Variants in ZCCHC7 observed in about 807,000 individuals in gnomAD.
The protein encoded by ZCCHC7 is zinc finger CCHC domain-containing protein 7.
A neutral mutation model predicts 52.0 loss-of-function variants in ZCCHC7; 35 were observed. That is an observed-to-expected ratio of 0.67 (90% CI 0.51 to 0.89). ZCCHC7 has a LOEUF of 0.89. Among genes scored for constraint, ZCCHC7 ranks in the 40% least tolerant of loss-of-function variants. The pLI, the probability that ZCCHC7 is intolerant of heterozygous loss-of-function variation, is 0.00. For missense variants in ZCCHC7, 574 were observed against 649.1 expected, an observed-to-expected ratio of 0.88 and a Z score of 1.26; for synonymous variants, 217 against 221.5, an observed-to-expected ratio of 0.98 and a Z score of 0.18.
intron 2 of ZCCHC7, among the ~76,000 whole-genome samples, chr9:37,168,281 A>G (rs1257669505): frequency 1.3e-5 from 2 of 151,696 alleles, no homozygotes; most frequent in Non-Finnish European, 2.9e-5. Flanking sequence ...TTTTTTGTTT[A>G]TTTTTTGATG....
At chr9:37,299,363 CAG>C (rs2133682154) in intron 2 of ZCCHC7, among the ~76,000 whole-genome samples, 1 of 152,232 alleles carries the variant, frequency 6.6e-6, no homozygotes, top group Non-Finnish European at 1.5e-5. Context: ...AAATTAGAAT[CAG>C]AAATTCAGTA....
chr9:37,269,073 G>A (rs1827258995), intron 2 of ZCCHC7, among the ~76,000 whole-genome samples: 1 of 152,204 alleles, frequency 6.6e-6, no homozygotes, highest in Admixed American at 6.5e-5. Flanking sequence ...AATAACATGT[G>A]CACCCTATCT....
At chr9:37,157,537 C>T (rs1441419852) in intron 2 of ZCCHC7, among the ~76,000 whole-genome samples, 1 of 152,004 alleles carries the variant, frequency 6.6e-6, no homozygotes, top group African/African-American at 2.4e-5. Flanking sequence ...TATTTATAAC[C>T]CACGTATCTG....
intron 2 of ZCCHC7, among the ~76,000 whole-genome samples, chr9:37,294,135 A>C (rs1414707659): frequency 6.6e-6 from 1 of 152,214 alleles, no homozygotes; most frequent in Non-Finnish European, 1.5e-5. Context: ...TATAAATTTG[A>C]GAAAACCAAG....
intron 2 of ZCCHC7, among the ~76,000 whole-genome samples, chr9:37,242,799 C>A (rs1825929141): frequency 6.6e-6 from 1 of 151,732 alleles, no homozygotes; most frequent in Non-Finnish European, 1.5e-5. Flanking sequence ...TTAAGAATTG[C>A]TTTTAAATTA....
intron 2 of ZCCHC7, among the ~76,000 whole-genome samples, chr9:37,223,289 A>C (rs1447708865): frequency 6.6e-6 from 1 of 152,238 alleles, no homozygotes; most frequent in Non-Finnish European, 1.5e-5. Context: ...GTATCTACAT[A>C]CAACTGAATG....
chr9:37,223,761 T>C (rs1824948764), intron 2 of ZCCHC7, among the ~76,000 whole-genome samples: 3 of 152,110 alleles, frequency 2.0e-5, no homozygotes, highest in Non-Finnish European at 1.5e-5. Flanking sequence ...TACTACAGAG[T>C]TGGAAACAAC....
intron 2 of ZCCHC7, among the ~76,000 whole-genome samples, chr9:37,280,066 G>A (rs560910997): frequency 6.6e-6 from 1 of 152,160 alleles, no homozygotes; most frequent in African/African-American, 2.4e-5. Context: ...GCGCGAACCC[G>A]GGAGGCGGAG....
At chr9:37,120,325 T>C (rs1457438282), upstream of ZCCHC7, among the ~76,000 whole-genome samples, 1 of 152,162 alleles carries the variant, frequency 6.6e-6, no homozygotes, top group African/African-American at 2.4e-5. Flanking sequence ...ATTCAAATAA[T>C]AGATGCAGCC....
At position 37,165,993 on chromosome 9, in the gene ZCCHC7, G is replaced by A. The variant is rs72737748; in HGVS notation, c.610+39051G>A. 6.6e-3 allele frequency among the ~76,000 whole-genome samples: 1,002 copies of A among 152,332 alleles called. 9 individuals carry two copies. The highest frequency in any genetic ancestry group is 0.011 in the Non-Finnish European group (744 of 68,030). On this transcript the variant is annotated intron_variant, in intron 2 of 8. Coordinates refer to ENST00000336755, the MANE Select transcript of ZCCHC7 (RefSeq NM_032226.3). ...ATAGACATAGCTAATCAGGCTATCA[G>A]TTTCTTCAGAAAGCTTCACTGGTTC...
At chr9:37,310,616 T>C (rs1199830483) in intron 5 of ZCCHC7, among the ~76,000 whole-genome samples, 1 of 152,186 alleles carries the variant, frequency 6.6e-6, no homozygotes, top group Non-Finnish European at 1.5e-5. Context: ...CTATACTTTA[T>C]GACTATGTGG....
At chr9:37,239,461 T>C (rs1825789410) in intron 2 of ZCCHC7, among the ~76,000 whole-genome samples, 1 of 152,134 alleles carries the variant, frequency 6.6e-6, no homozygotes, top group African/African-American at 2.4e-5. Flanking sequence ...CTTTGAGTTT[T>C]TTACTAGGCT....
At chr9:37,161,362 T>C (rs892468110) in intron 2 of ZCCHC7, among the ~76,000 whole-genome samples, 35 of 151,954 alleles carry the variant, frequency 2.3e-4, no homozygotes, top group African/African-American at 7.5e-4. Context: ...ATCACGAGGT[T>C]AGGAGATCGA....
Position 37,126,953 on chromosome 9 carries a change from T to C in ZCCHC7, c.610+11T>C. The stretch of plus-strand genomic sequence containing the variant: ...ACTCTGTTACTGAAGGTTAGTATCA[T>C]ATTGGCCATTTTGAAAGTAGTATCA... On this transcript the variant is annotated intron_variant, in intron 2 of 8. Transcript: ENST00000336755. 1.9e-6 allele frequency: 3 copies of C among 1,609,324 alleles called. No homozygotes were observed. The highest frequency in any genetic ancestry group is 2.2e-5 in the East Asian group (1 of 44,848).
intron 5 of ZCCHC7, among the ~76,000 whole-genome samples, chr9:37,316,883 T>A (rs1445304493): frequency 1.4e-5 from 2 of 143,198 alleles, no homozygotes; most frequent in East Asian, 4.0e-4. Flanking sequence ...TTTTTTTTTT[T>A]AATATACCAA....
At chr9:37,190,177 G>A (rs1483979560) in intron 2 of ZCCHC7, among the ~76,000 whole-genome samples, 1 of 152,150 alleles carries the variant, frequency 6.6e-6, no homozygotes, top group East Asian at 1.9e-4. Context: ...GATGATGAAG[G>A]TTTGTTCCCT....
chr9:37,202,428 T>C (rs1037561206), intron 2 of ZCCHC7, among the ~76,000 whole-genome samples: 2 of 152,258 alleles, frequency 1.3e-5, no homozygotes, highest in African/African-American at 4.8e-5. Context: ...AATTGTTTGT[T>C]TAATTAAAGA....
intron 2 of ZCCHC7, among the ~76,000 whole-genome samples, chr9:37,259,867 T>G (rs1004562256): frequency 6.6e-6 from 1 of 152,176 alleles, no homozygotes; most frequent in African/African-American, 2.4e-5. Flanking sequence ...AACATTAAAT[T>G]TAAAATAATC....
chr9:37,229,036 G>C (rs575121401), intron 2 of ZCCHC7, among the ~76,000 whole-genome samples: 2 of 151,774 alleles, frequency 1.3e-5, no homozygotes, highest in African/African-American at 2.4e-5. Context: ...GGGTTTCACC[G>C]TGTTGCCAGG....
Sources: gnomAD v4.1 joint callset for allele counts (sites outside exome capture counted in the v4.1 genomes callset) on GRCh38, gnomAD v4.1.1 for gene constraint, MANE v1.5 for transcripts, NCBI Gene and HGNC (gene_info 2026-07-23, HGNC 2026-07-21) for gene names.